The following NAV2 variants were observed in gnomAD, a reference collection of about 807,000 sequenced individuals.
NAV2 encodes neuron navigator 2, also known as helicase, APC down-regulated 1.
Under a neutral mutation model 223.2 loss-of-function variants are expected in NAV2, and 54 were observed. That is an observed-to-expected ratio of 0.24 (90% CI 0.19 to 0.30). NAV2 has a LOEUF of 0.30. Among genes scored for constraint, NAV2 ranks in the 10% least tolerant of loss-of-function variants. NAV2 has a pLI of 1.00. For synonymous variants in NAV2, 1,279 were observed against 1,239.3 expected (o/e 1.03, Z -0.67); for missense variants, 2,806 against 3,147.5 (o/e 0.89, Z 2.60).
intron 19 of NAV2, among the ~76,000 whole-genome samples, chr11:20,061,927 C>T (rs1043570356): frequency 6.6e-6 from 1 of 152,082 alleles, no homozygotes; most frequent in African/African-American, 2.4e-5. Context: ...AAGAGTGAAG[C>T]GAAATATGCT....
At chr11:19,607,911 A>G (rs930974631) in intron 1 of NAV2, among the ~76,000 whole-genome samples, 2 of 152,228 alleles carry the variant, frequency 1.3e-5, no homozygotes, top group East Asian at 3.8e-4. Context: ...CTATTATGCT[A>G]GATCAGGAGG....
chr11:19,580,411 C>T (rs1421340803), intron 1 of NAV2, among the ~76,000 whole-genome samples: 1 of 151,974 alleles, frequency 6.6e-6, no homozygotes, highest in Non-Finnish European at 1.5e-5. Flanking sequence ...CAAGGGGCCC[C>T]ATTTGGACTC....
chr11:19,354,656 G>C (rs540236974), intron 1 of NAV2, among the ~76,000 whole-genome samples: 4 of 152,340 alleles, frequency 2.6e-5, no homozygotes, highest in African/African-American at 9.6e-5. Context: ...AATCAATGAA[G>C]ATGAATTTTT....
At chr11:19,744,330 T>C (rs1049090790) in intron 1 of NAV2, among the ~76,000 whole-genome samples, 2 of 152,138 alleles carry the variant, frequency 1.3e-5, no homozygotes, top group African/African-American at 4.8e-5. Flanking sequence ...CAGAGACCCA[T>C]TGAAACACTC....
chr11:19,838,749 G>A (rs1049046148), intron 2 of NAV2, among the ~76,000 whole-genome samples: 4 of 152,086 alleles, frequency 2.6e-5, no homozygotes, highest in African/African-American at 7.2e-5. Context: ...TCAGCCTCCC[G>A]AGTAGCTGCG....
At chr11:19,825,458 C>T (rs919090693) in intron 1 of NAV2, among the ~76,000 whole-genome samples, 1 of 152,096 alleles carries the variant, frequency 6.6e-6, no homozygotes, top group Non-Finnish European at 1.5e-5. Context: ...ACATTAGTCT[C>T]CACACTGGCA....
chr11:19,799,807 T>A (rs2058131456), intron 1 of NAV2, among the ~76,000 whole-genome samples: 3 of 152,156 alleles, frequency 2.0e-5, no homozygotes, highest in Non-Finnish European at 4.4e-5. Flanking sequence ...CCCTGTTCTT[T>A]CCTTTCTTTG....
chr11:19,476,636 T>A (rs1395065278), intron 1 of NAV2, among the ~76,000 whole-genome samples: 1 of 152,226 alleles, frequency 6.6e-6, no homozygotes, highest in East Asian at 1.9e-4. Context: ...CATGATCCAA[T>A]ACACCGGGAA....
chr11:19,422,403 T>C (rs998944586), intron 1 of NAV2, among the ~76,000 whole-genome samples: 1 of 152,046 alleles, frequency 6.6e-6, no homozygotes, highest in Non-Finnish European at 1.5e-5. Flanking sequence ...TGCCAGCCAG[T>C]AGGGAGACCC....
intron 1 of NAV2, among the ~76,000 whole-genome samples, chr11:19,446,722 G>A (rs1310631621): frequency 5.9e-5 from 9 of 152,140 alleles, no homozygotes; most frequent in South Asian, 2.1e-4. Context: ...TGAACTGCTT[G>A]GAGCACCTCA....
intron 6 of NAV2, among the ~76,000 whole-genome samples, chr11:19,904,755 C>T (rs2042731612): frequency 6.6e-6 from 1 of 152,162 alleles, no homozygotes; most frequent in South Asian, 2.1e-4. Flanking sequence ...TCACATTTGT[C>T]TTCTCACAGT....
At chr11:19,529,052 GCA>G (rs1363763792) in intron 1 of NAV2, among the ~76,000 whole-genome samples, 4 of 152,152 alleles carry the variant, frequency 2.6e-5, no homozygotes, top group African/African-American at 9.6e-5. Flanking sequence ...GGGCGTTTTG[GCA>G]CGTGCGTGCA....
At chr11:19,596,085 C>G (rs1368767223) in intron 1 of NAV2, among the ~76,000 whole-genome samples, 1 of 152,082 alleles carries the variant, frequency 6.6e-6, no homozygotes, top group Non-Finnish European at 1.5e-5. Context: ...TTTCATAACC[C>G]AGTAATGGGC....
chr11:20,090,945 C>T lies in NAV2; in HGVS notation c.5579C>T (p.Thr1860Met). ...NELRDKEMKLTDIRLEALSSA... is the reference protein window; with the variant it reads ...NELRDKEMKLMDIRLEALSSA... Reference sequence around the variant, plus strand: ...TTAAGAGACAAGGAGATGAAGCTGACGGATATCCGCTTAGAAGCTCTCAGT... The same window carrying T: ...TTAAGAGACAAGGAGATGAAGCTGATGGATATCCGCTTAGAAGCTCTCAGT... The change falls in exon 27 of 38, where the codon ACG becomes ATG. Residue 1860 changes from threonine to methionine, a missense_variant. Thr to Met is a moderately conservative substitution (Grantham distance 81, BLOSUM62 -1). This residue lies in a region of NAV2 where 824 missense variants were observed against 1,069.4 expected (regional missense o/e 0.77). Coordinates refer to ENST00000349880, the MANE Select transcript of NAV2 (RefSeq NM_145117.5). The T allele has an allele frequency of 6.2e-7, 1 of 1,613,944 alleles. No individual in the cohort carries two copies.
At chr11:20,095,380 A>G (rs2061175387) in intron 29 of NAV2, among the ~76,000 whole-genome samples, 1 of 152,192 alleles carries the variant, frequency 6.6e-6, no homozygotes, top group East Asian at 1.9e-4. Flanking sequence ...AGAGTTCCAT[A>G]CAAGGAATAT....
chr11:19,600,870 G>C (rs1171691426), intron 1 of NAV2, among the ~76,000 whole-genome samples: 1 of 152,218 alleles, frequency 6.6e-6, no homozygotes, highest in Admixed American at 6.5e-5. Context: ...GCAAATGGTA[G>C]AGGCAAGATC....
chr11:19,362,130 G>A (rs1173719746), intron 1 of NAV2, among the ~76,000 whole-genome samples: 1 of 152,146 alleles, frequency 6.6e-6, no homozygotes, highest in Non-Finnish European at 1.5e-5. Flanking sequence ...CACTTGAACA[G>A]CACACACAAG....
At position 20,114,643 on chromosome 11, in the gene NAV2, A is replaced by T; in HGVS notation, c.7012A>T (p.Thr2338Ser). ...GGATCCTGCCAAGTGGGTGATGGAC[A>T]CATATCCATGGGCAGCCAGCCCACA... The part of the protein sequence containing the change: ...WEDPAKWVMD[T>S]YPWAASPQQH... Residue 2338 changes from threonine to serine, a missense_variant, in exon 37 of 38, where the codon ACA (threonine) becomes TCA (serine). Thr to Ser is a moderately conservative substitution (Grantham distance 58). This residue lies in a region of NAV2 where 824 missense variants were observed against 1,069.4 expected (regional missense o/e 0.77). Coordinates refer to ENST00000349880, the MANE Select transcript of NAV2 (RefSeq NM_145117.5). 6.2e-7 allele frequency: 1 copy of T among 1,614,158 alleles called. No homozygotes were observed.
rs1430669137 is a variant in NAV2, at chr11:19,374,585, T to A, written c.75+23558T>A. 4.6e-5 allele frequency among the ~76,000 whole-genome samples: 7 copies of A among 152,220 alleles called. No individual in the cohort carries two copies. The East Asian group carries it at 1.3e-3, about 29-fold the overall frequency. On this transcript the variant is annotated intron_variant, in intron 1 of 37. Transcript: ENST00000360655. ...TGCAAGTATATTTTACATATCCTTT[T>A]AAAAATCTGCACAATAGGAAGAAAC...
Sources: gnomAD v4.1 joint callset for allele counts (sites outside exome capture counted in the v4.1 genomes callset) on GRCh38, gnomAD v4.1.1 for gene constraint, gnomAD v4.1.1 regional missense constraint, MANE v1.5 for transcripts, NCBI Gene and HGNC (gene_info 2026-07-23, HGNC 2026-07-21) for gene names.